Variants in NEK10 observed in about 807,000 individuals in gnomAD.
The protein encoded by NEK10 is serine/threonine-protein kinase Nek10.
Under a neutral mutation model 159.8 loss-of-function variants are expected in NEK10, and 122 were observed. The ratio of observed to expected loss-of-function variants is 0.76; its 90% CI spans 0.66 to 0.89. The LOEUF (loss-of-function observed/expected upper bound fraction) is 0.89. Ranked by LOEUF, NEK10 falls within the 40% of genes least tolerant of loss-of-function variation. The pLI, the probability that NEK10 is intolerant of heterozygous loss-of-function variation, is 0.00. For missense variants in NEK10, 1,342 were observed against 1,323.1 expected, an observed-to-expected ratio of 1.01 and a Z score of -0.22; for synonymous variants, 466 against 457.1, an observed-to-expected ratio of 1.02 and a Z score of -0.25.
intron 5 of NEK10, among the ~76,000 whole-genome samples, chr3:27,330,124 T>A (rs2046294370): frequency 7.0e-6 from 1 of 143,452 alleles, no homozygotes; most frequent in Non-Finnish European, 1.5e-5. Context: ...TGCAGAACCC[T>A]TGGATATCAA....
At chr3:27,158,042 T>C (rs1262544607) in intron 30 of NEK10, among the ~76,000 whole-genome samples, 1 of 152,178 alleles carries the variant, frequency 6.6e-6, no homozygotes, top group Non-Finnish European at 1.5e-5. Flanking sequence ...AACCTTTATG[T>C]GCATTGGAAA....
chr3:27,150,107 G>A (rs997845117), intron 30 of NEK10, among the ~76,000 whole-genome samples: 6 of 152,218 alleles, frequency 3.9e-5, no homozygotes, highest in Non-Finnish European at 7.3e-5. Context: ...GCTGCAGAAG[G>A]AAAGCTAGAA....
intron 5 of NEK10, among the ~76,000 whole-genome samples, chr3:27,339,058 A>G (rs1486268267): frequency 6.6e-6 from 1 of 152,226 alleles, no homozygotes; most frequent in Non-Finnish European, 1.5e-5. Context: ...AGCGACTAAT[A>G]TCCAAAATAT....
At chr3:27,280,037 T>A (rs1230592859) in intron 22 of NEK10, among the ~76,000 whole-genome samples, 1 of 139,430 alleles carries the variant, frequency 7.2e-6, no homozygotes, top group Non-Finnish European at 1.5e-5. Context: ...TGTTGTGGGT[T>A]AAAAGGTGAA....
At chr3:27,143,127 T>C (rs1223402126) in intron 30 of NEK10, among the ~76,000 whole-genome samples, 1 of 152,184 alleles carries the variant, frequency 6.6e-6, no homozygotes, top group Admixed American at 6.5e-5. Context: ...AGTGTACACA[T>C]GCCATATTTT....
intron 23 of NEK10, among the ~76,000 whole-genome samples, chr3:27,224,129 G>C (rs952909704): frequency 6.6e-6 from 1 of 152,220 alleles, no homozygotes; most frequent in African/African-American, 2.4e-5. Flanking sequence ...TAGACACACA[G>C]AGAATGCCAG....
intron 22 of NEK10, among the ~76,000 whole-genome samples, chr3:27,273,248 T>C (rs140844431): frequency 9.3e-4 from 142 of 152,280 alleles, no homozygotes; most frequent in African/African-American, 3.1e-3. Context: ...CAAATTAAAA[T>C]GTCCCCTCCA....
intron 5 of NEK10, among the ~76,000 whole-genome samples, chr3:27,340,038 C>T (rs1394396795): frequency 2.6e-5 from 4 of 152,138 alleles, no homozygotes; most frequent in Admixed American, 6.6e-5. Context: ...AATCATGCTA[C>T]TATAAAGACA....
intron 32 of NEK10, among the ~76,000 whole-genome samples, chr3:27,124,741 C>A (rs1941744896): frequency 6.6e-6 from 1 of 152,102 alleles, no homozygotes; most frequent in African/African-American, 2.4e-5. Context: ...GATGTGGACA[C>A]AGGAAGGGAG....
At chr3:27,248,403 G>A (rs1468688721) in intron 23 of NEK10, among the ~76,000 whole-genome samples, 2 of 151,734 alleles carry the variant, frequency 1.3e-5, no homozygotes, top group Non-Finnish European at 2.9e-5. Context: ...TACTAATTTT[G>A]GGTTTCATTT....
At chr3:27,222,507 C>T (rs1195923693) in intron 23 of NEK10, among the ~76,000 whole-genome samples, 2 of 152,078 alleles carry the variant, frequency 1.3e-5, no homozygotes. Flanking sequence ...GAATGAAAAA[C>T]ATCGAAATAA....
chr3:27,138,413 A>G (rs138393702), intron 31 of NEK10, among the ~76,000 whole-genome samples: 1 of 152,296 alleles, frequency 6.6e-6, no homozygotes, highest in African/African-American at 2.4e-5. Context: ...TCTTTTCAGT[A>G]AGGTCAGGAC....
Position 27,346,184 on chromosome 3 carries a change from A to C in NEK10, c.165T>G (p.Asn55Lys). Residue 55 changes from asparagine (N) to lysine (K), a missense_variant, in exon 4 of 36, where the codon AAT becomes AAG. Transcript: ENST00000691995. ...TGGCGGGCTCAGACTTCGTCATGCT[A>C]TTTTGGGCACTATCGAAGTTAATGG... Reference protein sequence around the residue: ...LPAINFDSAQNSMTKSEPAIR... With the variant: ...LPAINFDSAQKSMTKSEPAIR... The C allele has an allele frequency of 6.2e-7, 1 of 1,613,682 alleles. No homozygotes were observed. The highest frequency in any genetic ancestry group is 8.5e-7 in the Non-Finnish European group (1 of 1,179,656).
chr3:27,206,718 T>G (rs1950576586), intron 23 of NEK10: 1 of 637,884 alleles, frequency 1.6e-6, no homozygotes, highest in African/African-American at 2.0e-5. Context: ...AAAATAGGGT[T>G]AAAGCAGTGG....
intron 23 of NEK10, among the ~76,000 whole-genome samples, chr3:27,230,995 T>C (rs1189846577): frequency 1.3e-5 from 2 of 151,932 alleles, no homozygotes; most frequent in Admixed American, 6.6e-5. Context: ...ACTTAAACTA[T>C]ATCCTAGAAC....
In NEK10 at chr3:27,308,938, C is replaced by T. The variant is rs2044458774; in HGVS notation, c.704G>A (p.Ser235Asn). The T allele has an allele frequency of 3.2e-6, 5 of 1,583,170 alleles. No individual in the cohort carries two copies. The highest frequency in any genetic ancestry group is 4.3e-6 in the Non-Finnish European group (5 of 1,153,828). Residue 235 changes from serine to asparagine, a missense_variant, in exon 10 of 36, where the codon AGT (serine) becomes AAT (asparagine). Ser to Asn is a conservative substitution (Grantham distance 46). Coordinates refer to ENST00000691995, the MANE Select transcript of NEK10 (RefSeq NM_001394966.1). ...VLLGSLLALA[S>N]LAESQECREK... ...ATACACTACTTACCTTTCTGCTAAA[C>T]TAGCCAGAGCCAGAAGGGAACCCAA...
chr3:27,270,113 G>T (rs149507372), intron 22 of NEK10, among the ~76,000 whole-genome samples: 2 of 152,122 alleles, frequency 1.3e-5, no homozygotes, highest in East Asian at 1.9e-4. Context: ...ATAGCAGAAC[G>T]GATGAGATGT....
intron 12 of NEK10, 39 bp downstream of exon 12, chr3:27,304,708 C>A: frequency 1.5e-6 from 2 of 1,366,840 alleles, no homozygotes; most frequent in Admixed American, 1.7e-5. Context: ...CAGACTTCAA[C>A]AAACAGGGCA....
intron 26 of NEK10, among the ~76,000 whole-genome samples, chr3:27,178,253 G>A (rs1003491058): frequency 2.6e-5 from 4 of 152,068 alleles, no homozygotes; most frequent in Non-Finnish European, 4.4e-5. Context: ...GTAACAGACT[G>A]ACATTACCCA....
Sources: allele counts gnomAD v4.1 joint callset (sites outside exome capture counted in the v4.1 genomes callset), GRCh38; gene constraint gnomAD v4.1.1; transcripts MANE v1.5; gene names NCBI Gene and HGNC (gene_info 2026-07-23, HGNC 2026-07-21).